ABLIM1: variants seen among roughly 807,000 people sequenced by gnomAD.
ABLIM1 encodes actin-binding LIM protein 1.
Under a neutral mutation model 107.0 loss-of-function variants are expected in ABLIM1, and 40 were observed. The observed-to-expected ratio is 0.37, with a 90% CI of 0.29 to 0.49. The LOEUF (loss-of-function observed/expected upper bound fraction) is 0.49. Among genes scored for constraint, ABLIM1 ranks in the 20% least tolerant of loss-of-function variants. The probability of loss-of-function intolerance (pLI) is 0.97; values close to 1 mark genes in which losing one functional copy is unlikely to be tolerated. For missense variants in ABLIM1, 857 were observed against 1,008.5 expected, an observed-to-expected ratio of 0.85 and a Z score of 2.04; for synonymous variants, 357 against 357.3, an observed-to-expected ratio of 1.00 and a Z score of 0.01.
chr10:114,631,996 A>G (rs2078214160), intron 1 of ABLIM1: 1 of 1,299,354 alleles, frequency 7.7e-7, no homozygotes, highest in Admixed American at 2.3e-5. Context: ...GCCTCGGCAG[A>G]CAGATCCGCG....
rs904312169 is a variant in ABLIM1 at position 114,707,818 on chromosome 10, T to C, written c.-213+60243A>G. 6.6e-6 allele frequency among the ~76,000 whole-genome samples: 1 copy of C among 151,982 alleles called. No individual in the cohort carries two copies. The highest frequency in any genetic ancestry group is 1.5e-5 in the Non-Finnish European group (1 of 68,002). On this transcript the variant is annotated intron_variant, in intron 1 of 15. Transcript: ENST00000651092. This position sits in a 1 kb window ranked among gnomAD's most constrained non-coding sequence, Gnocchi z 4.1. The stretch of plus-strand genomic sequence containing the variant: ...CGGCAGGCTGAGGCAGGAGAATCAC[T>C]TGAACATGGGAGACAGAGGTTGCAG...
intron 1 of ABLIM1, among the ~76,000 whole-genome samples, chr10:114,706,813 G>A (rs1412713597): frequency 6.6e-6 from 1 of 151,920 alleles, no homozygotes; most frequent in Non-Finnish European, 1.5e-5. Flanking sequence ...TAATGAGAAC[G>A]GCCTGCTACT....
intron 1 of ABLIM1, among the ~76,000 whole-genome samples, chr10:114,640,531 C>A (rs1488344958): frequency 6.7e-6 from 1 of 148,198 alleles, no homozygotes; most frequent in Non-Finnish European, 1.5e-5. Flanking sequence ...CATCTCAAAA[C>A]AAACAAACCA....
chr10:114,796,899 G>A, the ABLIM1 span, among the ~76,000 whole-genome samples: 1 of 152,064 alleles, frequency 6.6e-6, no homozygotes, highest in South Asian at 2.1e-4. Flanking sequence ...ATCATCTTAC[G>A]ACCTGCATAT....
chr10:114,682,930 C>T (rs2080807552), intron 1 of ABLIM1, among the ~76,000 whole-genome samples: 1 of 152,206 alleles, frequency 6.6e-6, no homozygotes, highest in African/African-American at 2.4e-5. Flanking sequence ...TTGTACAGTA[C>T]AAGAAAAACA....
intron 18 of ABLIM1, among the ~76,000 whole-genome samples, chr10:114,441,389 T>C (rs72826954): frequency 0.027 from 4,188 of 152,302 alleles, 85 homozygotes; most frequent in Non-Finnish European, 0.044. Context: ...TAACACACAT[T>C]CTTATATCTT....
At chr10:114,641,247 TAAAAAAAAAA>T (rs35168530) in intron 1 of ABLIM1, among the ~76,000 whole-genome samples, 3 of 37,060 alleles carry the variant, frequency 8.1e-5, no homozygotes, top group East Asian at 8.4e-4. Flanking sequence ...AAGCCAATCA[TAAAAAAAAAA>T]AAAAAAAAAA....
chr10:114,435,051 T>G lies in ABLIM1; in HGVS notation c.*1209A>C, dbSNP rs1402189301. 1 of 152,172 alleles carries G rather than the reference T, an allele frequency of 6.6e-6. No homozygotes were observed. Among genetic ancestry groups the G allele is most frequent in the Non-Finnish European group, 1.5e-5 (1 of 68,032 alleles). 9.4% of individuals were successfully genotyped at this position (152,172 alleles called of 1,614,324 possible). ...ATTCAAGCAGAAATTAAAAAGCACA[T>G]GCATGCTCACAAAATTACTCTGGGT... On this transcript the variant is annotated 3_prime_UTR_variant, in exon 23 of 23. Transcript: ENST00000533213.
intron 1 of ABLIM1, among the ~76,000 whole-genome samples, chr10:114,741,999 C>T (rs1334404048): frequency 6.6e-6 from 1 of 152,168 alleles, no homozygotes; most frequent in Non-Finnish European, 1.5e-5. Flanking sequence ...CATAACAAAA[C>T]ATAAGTACAG....
At chr10:114,577,609 A>G (rs911586577) in intron 2 of ABLIM1, among the ~76,000 whole-genome samples, 7 of 152,214 alleles carry the variant, frequency 4.6e-5, no homozygotes, top group African/African-American at 1.7e-4. Context: ...GTTTTGTGAA[A>G]TTGACATATA....
chr10:114,576,055 C>T (rs1417171522), intron 2 of ABLIM1, among the ~76,000 whole-genome samples: 1 of 152,186 alleles, frequency 6.6e-6, no homozygotes, highest in Non-Finnish European at 1.5e-5. Flanking sequence ...TGTATTTTTT[C>T]ACACTCTGGA....
chr10:114,463,629 T>C (rs1330663529), intron 12 of ABLIM1, among the ~76,000 whole-genome samples: 1 of 152,064 alleles, frequency 6.6e-6, no homozygotes, highest in African/African-American at 2.4e-5. Context: ...TTTGCCTACA[T>C]AGAAGGAAAA....
chr10:114,612,679 A>G (rs1725381442), intron 1 of ABLIM1, among the ~76,000 whole-genome samples: 1 of 152,234 alleles, frequency 6.6e-6, no homozygotes, highest in Non-Finnish European at 1.5e-5. Flanking sequence ...AAATGAATCC[A>G]GTCTAACAAA....
rs911073007 is a variant in ABLIM1, at chr10:114,431,189, T to G, written c.*5071A>C. 6.6e-6 allele frequency: 1 copy of G among 152,206 alleles called. No individual in the cohort carries two copies. Among genetic ancestry groups the G allele is most frequent in the Admixed American group, 6.5e-5 (1 of 15,268 alleles). 9.4% of individuals were successfully genotyped at this position (152,206 alleles called of 1,614,324 possible). A position where few individuals can be genotyped will look rare whatever the true frequency, so the allele number is the denominator to read the frequency against. ...CAGAGTATATGACAAAGGAGTGCAG[T>G]GAGTGCTGCTGGCAACAGGAGCGGG... On this transcript the variant is annotated 3_prime_UTR_variant, in exon 23 of 23. Transcript: ENST00000533213.
chr10:114,603,707 A>G (rs2076205797), intron 1 of ABLIM1, among the ~76,000 whole-genome samples: 2 of 151,708 alleles, frequency 1.3e-5, no homozygotes, highest in South Asian at 4.2e-4. Flanking sequence ...TAATCCCAGC[A>G]CTTTGGGAAG....
chr10:114,480,891 A>G (rs1380157837), intron 8 of ABLIM1, among the ~76,000 whole-genome samples: 1 of 152,242 alleles, frequency 6.6e-6, no homozygotes, highest in South Asian at 2.1e-4. Flanking sequence ...TTAGAAGACT[A>G]GCAGTTCAAC....
chr10:114,524,841 T>C (rs2064390087), intron 6 of ABLIM1, among the ~76,000 whole-genome samples: 1 of 152,222 alleles, frequency 6.6e-6, no homozygotes. Flanking sequence ...TTGAATCTGA[T>C]ACCCCATTCC....
intron 1 of ABLIM1, among the ~76,000 whole-genome samples, chr10:114,670,493 CTTTTTT>C (rs370418543): frequency 6.6e-6 from 1 of 152,130 alleles, no homozygotes; most frequent in Non-Finnish European, 1.5e-5. Context: ...AGCCAATTTT[CTTTTTT>C]TGTTTTTTGT....
chr10:114,761,915 G>A (rs2082754850), intron 1 of ABLIM1, among the ~76,000 whole-genome samples: 1 of 151,220 alleles, frequency 6.6e-6, no homozygotes, highest in South Asian at 2.1e-4. Flanking sequence ...ACCTGATATG[G>A]TTGTCATGCC....
Sources: allele counts gnomAD v4.1 joint callset (sites outside exome capture counted in the v4.1 genomes callset), GRCh38; gene constraint gnomAD v4.1.1; non-coding constraint Gnocchi (gnomAD v3.1); transcripts MANE v1.5; gene names NCBI Gene and HGNC (gene_info 2026-07-23, HGNC 2026-07-21).